EXD1: variants seen among roughly 807,000 people sequenced by gnomAD.
EXD1 encodes the protein exonuclease 3'-5' domain containing 1.
A neutral mutation model predicts 49.1 loss-of-function variants in EXD1; 63 were observed. The observed-to-expected ratio is 1.28, with a 90% CI of 1.05 to 1.58. The LOEUF (loss-of-function observed/expected upper bound fraction) is 1.58. Among genes scored for constraint, EXD1 ranks in the 40% most tolerant of loss-of-function variants. The pLI is 0.00. For synonymous variants in EXD1, 234 were observed against 239.2 expected (o/e 0.98, Z 0.20); for missense variants, 748 against 666.0 (o/e 1.12, Z -1.36).
intron 2 of EXD1, among the ~76,000 whole-genome samples, chr15:41,220,818 G>T (rs1160082381): frequency 6.6e-6 from 1 of 152,092 alleles, no homozygotes; most frequent in East Asian, 1.9e-4. Context: ...ATTCCTACTA[G>T]GATCAAAGAT....
chr15:41,199,732 T>TATATATC (rs1159105027), intron 7 of EXD1, among the ~76,000 whole-genome samples: 36,326 of 77,334 alleles, frequency 0.47, 10,266 homozygotes, highest in East Asian at 0.73. Context: ...TTATATATGA[T>TATATATC]ATATATGTCA....
At chr15:41,202,166 ATT>A (rs778214982) in intron 7 of EXD1, among the ~76,000 whole-genome samples, 1,349 of 132,610 alleles carry the variant, frequency 0.01, 30 homozygotes, top group East Asian at 0.047. Context: ...ATATATATAT[ATT>A]TTTTTTAATT....
At chr15:41,221,300 C>CTT (rs1220961072) in intron 2 of EXD1, among the ~76,000 whole-genome samples, 1 of 152,110 alleles carries the variant, frequency 6.6e-6, no homozygotes, top group East Asian at 1.9e-4. Flanking sequence ...GAGATAGGGT[C>CTT]TTACTCTGTT....
chr15:41,230,425 T>C, intron 1 of EXD1, 54 bp downstream of exon 1: 4 of 1,567,494 alleles, frequency 2.6e-6, no homozygotes, highest in Non-Finnish European at 3.5e-6. Context: ...GAGAATAAAA[T>C]GCAAAATTTC....
intron 9 of EXD1, 149 bp from the exon 10 acceptor site, chr15:41,191,734 A>G: frequency 1.3e-6 from 1 of 758,748 alleles, no homozygotes; most frequent in Non-Finnish European, 2.0e-6. Context: ...AAAGTTGTTC[A>G]GCCAACTTAT....
intron 7 of EXD1, among the ~76,000 whole-genome samples, chr15:41,207,086 C>T (rs1231973561): frequency 3.3e-5 from 5 of 149,470 alleles, no homozygotes; most frequent in Non-Finnish European, 7.4e-5. Context: ...ACTAAAAATA[C>T]AAAAATTACC....
chr15:41,219,848 CA>C lies in EXD1; in HGVS notation c.183del (p.Phe61LeufsTer6), dbSNP rs1199983640. 6.5e-7 allele frequency: 1 copy of C among 1,535,574 alleles called. No individual in the cohort carries two copies. On this transcript the variant is annotated frameshift_variant, in exon 3 of 12. Transcript: ENST00000458580. LOFTEE classifies it high-confidence loss of function. Reference sequence around the variant, plus strand: ...GTCTCACCATTCACAATCTCATGCCCAAAAAACAACTTCACTCCTGGGACAC... The same window carrying C: ...GTCTCACCATTCACAATCTCATGCCCAAAAACAACTTCACTCCTGGGACAC... ...GRSVPGVKLF[F>X]GHEIVNVELL...
At chr15:41,200,186 A>C (rs1362939863) in intron 7 of EXD1, among the ~76,000 whole-genome samples, 3 of 152,148 alleles carry the variant, frequency 2.0e-5, no homozygotes, top group East Asian at 3.9e-4. Flanking sequence ...CTAGAAGTAC[A>C]TGTGTGAGCC....
At chr15:41,219,235 A>G (rs1315345120) in intron 3 of EXD1, among the ~76,000 whole-genome samples, 1 of 152,170 alleles carries the variant, frequency 6.6e-6, no homozygotes, top group Non-Finnish European at 1.5e-5. Flanking sequence ...AATAAAGAAT[A>G]AGGCTGCTTC....
At chr15:41,199,722 T>TTATATATTTCA (rs1391239565) in intron 7 of EXD1, among the ~76,000 whole-genome samples, 1 of 94,636 alleles carries the variant, frequency 1.1e-5, no homozygotes, top group Non-Finnish European at 1.9e-5. Context: ...ATATGATATA[T>TTATATATTTCA]TATATATGAT....
chr15:41,184,806 C>A (rs570821985), intron 11 of EXD1, among the ~76,000 whole-genome samples: 2 of 152,070 alleles, frequency 1.3e-5, no homozygotes, highest in Non-Finnish European at 2.9e-5. Context: ...AGGCGCCTGC[C>A]ACCACGCCCA....
At chr15:41,219,728 A>G (rs2047056870) in intron 3 of EXD1, 102 bp downstream of exon 3, 2 of 924,494 alleles carry the variant, frequency 2.2e-6, no homozygotes, top group Non-Finnish European at 3.3e-6. Flanking sequence ...ATTCTCAAAT[A>G]CCAACTTTAA....
chr15:41,224,492 C>G (rs919122713), intron 2 of EXD1, among the ~76,000 whole-genome samples: 1 of 151,976 alleles, frequency 6.6e-6, no homozygotes, highest in African/African-American at 2.4e-5. Flanking sequence ...CCAGGAAACT[C>G]TATATATTGA....
At position 41,183,817 on chromosome 15, in the gene EXD1, C is replaced by A; in HGVS notation, c.*114G>T. On this transcript the variant is annotated 3_prime_UTR_variant, in exon 12 of 12. Transcript: ENST00000458580. Reference sequence around the variant, plus strand: ...AGTAAGCAAGAGGATATAATTTTCCCCTGTGACTGAAGCATTACTACATTT... The same window carrying A: ...AGTAAGCAAGAGGATATAATTTTCCACTGTGACTGAAGCATTACTACATTT... The A allele has an allele frequency of 1.0e-6, 1 of 1,004,184 alleles. No individual in the cohort carries two copies. Among genetic ancestry groups the A allele is most frequent in the South Asian group, 1.8e-5 (1 of 55,272 alleles). 62.2% of individuals were successfully genotyped at this position (1,004,184 alleles called of 1,614,324 possible). A position where few individuals can be genotyped will look rare whatever the true frequency, so the allele number is the denominator to read the frequency against.
intron 1 of EXD1, 48 bp downstream of exon 1, chr15:41,230,431 A>C (rs766511086): frequency 6.3e-7 from 1 of 1,587,332 alleles, no homozygotes. Context: ...AAAATGCAAA[A>C]TTTCTCATTT....
chr15:41,228,882 GA>G (rs1013585337), intron 1 of EXD1, among the ~76,000 whole-genome samples: 53 of 150,200 alleles, frequency 3.5e-4, no homozygotes, highest in African/African-American at 1.2e-3. Context: ...AAACATTAAA[GA>G]AAAAAAAATT....
intron 7 of EXD1, among the ~76,000 whole-genome samples, chr15:41,199,753 A>ATAATATATCATATATG (rs1566980746): frequency 1.7e-4 from 16 of 96,860 alleles, no homozygotes; most frequent in East Asian, 7.7e-4. Flanking sequence ...TATATTATAT[A>ATAATATATCATATATG]TGATACATAT....
chr15:41,203,973 C>T (rs140185520), intron 7 of EXD1, among the ~76,000 whole-genome samples: 1,957 of 135,418 alleles, frequency 0.014, 24 homozygotes, highest in Non-Finnish European at 0.022. Flanking sequence ...AGGCCAGGTG[C>T]GGTGGCTCAC....
rs779378126 is a variant in EXD1 at position 41,184,554 on chromosome 15, T to C, written c.1096A>G (p.Lys366Glu). 2.5e-6 allele frequency: 4 copies of C among 1,606,928 alleles called. No homozygotes were observed. Among genetic ancestry groups the C allele is most frequent in the Non-Finnish European group, 3.4e-6 (4 of 1,178,202 alleles). Residue 366 changes from lysine (K) to glutamate (E), a missense_variant, in exon 12 of 12, where the codon AAG becomes GAG. By Grantham distance (56) the Lys-to-Glu change is moderately conservative. Coordinates refer to ENST00000458580, the MANE Select transcript of EXD1 (RefSeq NM_001286441.2). ...MELPEELLQL[K>E]DFQKQRREKA... ...TCCCTGCGCTGCTTCTGGAAGTCCTTGAGTTGAAGCAGTTCCTCTGGCAGC... is the reference window on the plus strand; with the variant it reads ...TCCCTGCGCTGCTTCTGGAAGTCCTCGAGTTGAAGCAGTTCCTCTGGCAGC...
Sources: allele counts gnomAD v4.1 joint callset (sites outside exome capture counted in the v4.1 genomes callset), GRCh38; gene constraint gnomAD v4.1.1; transcripts MANE v1.5; gene names NCBI Gene and HGNC (gene_info 2026-07-23, HGNC 2026-07-21).